Variants in TSHZ2 observed in about 807,000 individuals in gnomAD.
TSHZ2 encodes the protein teashirt zinc finger homeobox 2.
In TSHZ2, 21 loss-of-function variants were observed where a neutral mutation model predicts 74.4. The ratio of observed to expected loss-of-function variants is 0.28; its 90% CI spans 0.20 to 0.41. TSHZ2 has a LOEUF of 0.41. Among genes scored for constraint, TSHZ2 ranks in the 10% least tolerant of loss-of-function variants. The probability of loss-of-function intolerance (pLI) is 1.00; values close to 1 mark genes in which losing one functional copy is unlikely to be tolerated. For missense variants in TSHZ2, 1,244 were observed against 1,293.5 expected, an observed-to-expected ratio of 0.96 and a Z score of 0.59; for synonymous variants, 540 against 515.3, an observed-to-expected ratio of 1.05 and a Z score of -0.65.
intron 1 of TSHZ2, among the ~76,000 whole-genome samples, chr20:53,021,959 C>A (rs12480864): frequency 1.3e-5 from 2 of 151,830 alleles, no homozygotes; most frequent in African/African-American, 2.4e-5. Context: ...TTTCTTCTTC[C>A]AAAAAGAATT....
At chr20:53,225,956 C>T (rs1349693485) in intron 1 of TSHZ2, among the ~76,000 whole-genome samples, 2 of 152,000 alleles carry the variant, frequency 1.3e-5, no homozygotes, top group African/African-American at 4.8e-5. Flanking sequence ...TATAATTCCA[C>T]ATTTATCAAA....
At chr20:53,391,502 G>T (rs1331081028) in intron 2 of TSHZ2, among the ~76,000 whole-genome samples, 3 of 149,956 alleles carry the variant, frequency 2.0e-5, no homozygotes, top group Admixed American at 6.7e-5. Context: ...TACAATCACA[G>T]CTCACTGCAG....
At chr20:53,395,525 A>G (rs1217022293) in intron 2 of TSHZ2, among the ~76,000 whole-genome samples, 1 of 152,270 alleles carries the variant, frequency 6.6e-6, no homozygotes, top group East Asian at 1.9e-4. Context: ...AAAATTATTA[A>G]GACATTTTCC....
At chr20:53,083,740 A>G (rs2123237209) in intron 1 of TSHZ2, among the ~76,000 whole-genome samples, 1 of 152,358 alleles carries the variant, frequency 6.6e-6, no homozygotes, top group Non-Finnish European at 1.5e-5. Context: ...TATAAAGACT[A>G]AAAGCAAATG....
chr20:53,453,872 A>G (rs1489112636), intron 2 of TSHZ2, among the ~76,000 whole-genome samples: 4 of 152,250 alleles, frequency 2.6e-5, no homozygotes, highest in Admixed American at 2.6e-4. Flanking sequence ...TGGGAATGAC[A>G]GACTGGTTTG....
chr20:53,365,170 C>G (rs951472780), intron 2 of TSHZ2, among the ~76,000 whole-genome samples: 2 of 152,226 alleles, frequency 1.3e-5, no homozygotes, highest in African/African-American at 4.8e-5. Context: ...TCTGAGGAAG[C>G]CAAGATCTGA....
At chr20:53,314,463 G>A (rs1015156031) in intron 2 of TSHZ2, among the ~76,000 whole-genome samples, 11 of 152,062 alleles carry the variant, frequency 7.2e-5, no homozygotes, top group African/African-American at 2.4e-4. Flanking sequence ...GGTGGGGCAT[G>A]ATCTGGAGAA....
At position 53,041,227 on chromosome 20, in the gene TSHZ2, A is replaced by G. The variant is rs561532632; in HGVS notation, c.40+67894A>G. Among the ~76,000 whole-genome samples the G allele has an allele frequency of 9.0e-4, 137 of 152,376 alleles. 2 individuals are homozygous for G. Among genetic ancestry groups the G allele is most frequent in the South Asian group, 8.1e-3 (39 of 4,830 alleles). ...GGCCGGGGAGGCCTTGGCGTTGCCA[A>G]GTTGGACATAAGGGCTCAAATGACT... On this transcript the variant is annotated intron_variant, in intron 1 of 2. Coordinates refer to ENST00000371497, the MANE Select transcript of TSHZ2 (RefSeq NM_173485.6).
At chr20:53,421,307 C>T in intron 2 of TSHZ2, 1 of 166,174 alleles carries the variant, frequency 6.0e-6, no homozygotes, top group African/African-American at 2.4e-5. Context: ...CTTTCATGGT[C>T]TGAGCACTGG....
At chr20:53,189,488 T>C (rs961330499) in intron 1 of TSHZ2, among the ~76,000 whole-genome samples, 1 of 152,208 alleles carries the variant, frequency 6.6e-6, no homozygotes, top group Non-Finnish European at 1.5e-5. Flanking sequence ...CCTCACATGG[T>C]TGTTACAAGA....
chr20:53,058,703 T>C (rs981535926), intron 1 of TSHZ2, among the ~76,000 whole-genome samples: 1 of 152,204 alleles, frequency 6.6e-6, no homozygotes, highest in Non-Finnish European at 1.5e-5. Flanking sequence ...TGAGTTTCTT[T>C]AGTTTATTTT....
intron 2 of TSHZ2, among the ~76,000 whole-genome samples, chr20:53,261,088 C>T (rs1027661098): frequency 6.6e-6 from 1 of 152,198 alleles, no homozygotes; most frequent in Non-Finnish European, 1.5e-5. Context: ...GAACCCAGGA[C>T]TGTCCAATGC....
chr20:53,323,079 A>G (rs1242437915), intron 2 of TSHZ2, among the ~76,000 whole-genome samples: 4 of 152,226 alleles, frequency 2.6e-5, no homozygotes, highest in African/African-American at 9.6e-5. Flanking sequence ...CAAATGGGAC[A>G]AGTCGGTCAC....
intron 2 of TSHZ2, among the ~76,000 whole-genome samples, chr20:53,469,640 G>A (rs866151179): frequency 1.6e-5 from 1 of 62,244 alleles, no homozygotes; most frequent in African/African-American, 6.6e-5. Flanking sequence ...GAGGGAGGAA[G>A]GAAGGAAGGA....
chr20:53,008,243 A>C (rs1982718027), intron 1 of TSHZ2, among the ~76,000 whole-genome samples: 1 of 152,228 alleles, frequency 6.6e-6, no homozygotes, highest in East Asian at 1.9e-4. Flanking sequence ...AAGTAGGTAA[A>C]GGCATTTCAG....
intron 1 of TSHZ2, among the ~76,000 whole-genome samples, chr20:52,992,141 C>A (rs1184934456): frequency 6.6e-6 from 1 of 152,164 alleles, no homozygotes; most frequent in Non-Finnish European, 1.5e-5. Context: ...TATTTCCTGG[C>A]CTCTCTTCCT....
intron 2 of TSHZ2, among the ~76,000 whole-genome samples, chr20:53,307,781 G>A (rs144129256): frequency 1.6e-3 from 236 of 152,242 alleles, no homozygotes; most frequent in African/African-American, 5.3e-3. Flanking sequence ...TTATGGCCAC[G>A]GATATGGTTT....
At chr20:53,232,617 AATC>A (rs1396995417) in intron 1 of TSHZ2, among the ~76,000 whole-genome samples, 1 of 152,202 alleles carries the variant, frequency 6.6e-6, no homozygotes, top group Admixed American at 6.5e-5. Context: ...TAATCATAAT[AATC>A]ATCATACACA....
At chr20:53,372,623 TC>T (rs1981517508) in intron 2 of TSHZ2, among the ~76,000 whole-genome samples, 1 of 152,190 alleles carries the variant, frequency 6.6e-6, no homozygotes. Flanking sequence ...ACTCTAACTT[TC>T]CTATCTTTCC....
Sources: allele counts gnomAD v4.1 joint callset (sites outside exome capture counted in the v4.1 genomes callset), GRCh38; gene constraint gnomAD v4.1.1; transcripts MANE v1.5; gene names NCBI Gene and HGNC (gene_info 2026-07-23, HGNC 2026-07-21).